The following COL10A1 variants were observed in gnomAD, a reference collection of about 807,000 sequenced individuals.
The protein encoded by COL10A1 is collagen alpha-1(X) chain.
A neutral mutation model predicts 18.2 loss-of-function variants in COL10A1; 10 were observed. The observed-to-expected ratio is 0.55, with a 90% confidence interval of 0.34 to 0.93. COL10A1 has a LOEUF of 0.93. Ranked by LOEUF, COL10A1 falls within the 40% of genes least tolerant of loss-of-function variation. The pLI is 0.02. For missense variants in COL10A1, 897 were observed against 853.5 expected (o/e 1.05, Z -0.64); for synonymous variants, 330 against 316.6 (o/e 1.04, Z -0.45).
At chr6:116,164,950 T>C in the COL10A1 span, among the ~76,000 whole-genome samples, 1 of 151,748 alleles carries the variant, frequency 6.6e-6, no homozygotes, top group Non-Finnish European at 1.5e-5. Flanking sequence ...TACAAAAAAT[T>C]AGCGGACATG....
chr6:116,127,261 T>C (rs1244361131), upstream of COL10A1, among the ~76,000 whole-genome samples: 2 of 152,132 alleles, frequency 1.3e-5, no homozygotes, highest in African/African-American at 4.8e-5. Flanking sequence ...TCTTTTCCCT[T>C]TCTCTCCCCT....
In COL10A1 at chr6:116,120,545, C is replaced by A; in HGVS notation, c.1571G>T (p.Gly524Val). ...GPPGQAVMPE[G>V]FIKAGQRPSL... ...GGGCCTTTGGCCTGCCTTTATAAAA[C>A]CCTCAGGCATGACTGCTTGACCTGG... Residue 524 changes from glycine (G) to valine (V), a missense_variant, in exon 3 of 3, where the codon GGT (glycine) becomes GTT (valine). Gly to Val is a moderately radical substitution (Grantham distance 109). Transcript: ENST00000651968. The A allele has an allele frequency of 3.1e-6, 5 of 1,613,584 alleles. No individual in the cohort carries two copies. The highest frequency in any genetic ancestry group is 4.2e-6 in the Non-Finnish European group (5 of 1,179,718).
chr6:116,161,670 C>CA (rs1468047562), upstream of COL10A1, among the ~76,000 whole-genome samples: 2 of 152,120 alleles, frequency 1.3e-5, no homozygotes, highest in Non-Finnish European at 2.9e-5. Flanking sequence ...GTAATGCTTG[C>CA]AAGTTTATTC....
the COL10A1 span, among the ~76,000 whole-genome samples, chr6:116,169,211 A>G: frequency 6.6e-6 from 1 of 152,134 alleles, no homozygotes; most frequent in Non-Finnish European, 1.5e-5. Flanking sequence ...TTAAATCTTC[A>G]TTGACATTTT....
chr6:116,149,425 A>G (rs139930982), intron 1 of COL10A1, among the ~76,000 whole-genome samples: 1,681 of 152,260 alleles, frequency 0.011, 13 homozygotes, highest in Non-Finnish European at 0.016. Context: ...TAGGATTATG[A>G]TTTTCTAAAT....
chr6:116,121,510 C>T lies in COL10A1; in HGVS notation c.606G>A (p.Arg202=). ...TGGGACCCTGAGGGCCTGGAAGACC[C>T]CTCTCACCTGGACGACCAGGAGCAC... ...GYGAPGRPGE[R]GLPGPQGPTG... is the part of the protein sequence containing the mutation. Residue 202 remains arginine (R), a synonymous_variant, in exon 3 of 3, where the codon AGG becomes AGA. Coordinates refer to ENST00000651968, the MANE Select transcript of COL10A1 (RefSeq NM_000493.4). 2 of 1,614,086 alleles carry T rather than the reference C, an allele frequency of 1.2e-6. No homozygotes were observed. Among genetic ancestry groups the T allele is most frequent in the Non-Finnish European group, 1.7e-6 (2 of 1,180,006 alleles).
At position 116,146,133 on chromosome 6, in the gene COL10A1, A is replaced by G. The variant is rs145063817; in HGVS notation, c.-16+12481T>C. Among the ~76,000 whole-genome samples, 395 of 152,302 alleles carry G rather than the reference A, an allele frequency of 2.6e-3. 10 individuals are homozygous for G. In the South Asian group the frequency reaches 0.043, roughly 17 times the overall value. ...TTACAGTTAATACTAATGAAAAAAA[A>G]CTTTCATGCTTTGTGTGGTGGGTGT... On this transcript the variant is annotated intron_variant, in intron 1 of 1. Transcript: ENST00000418500.
chr6:116,144,472 G>A (rs1582832094), intron 1 of COL10A1, among the ~76,000 whole-genome samples: 1 of 151,432 alleles, frequency 6.6e-6, no homozygotes, highest in East Asian at 1.9e-4. Flanking sequence ...CTGCACTCCA[G>A]CCTGATGACA....
chr6:116,196,727 T>C, the COL10A1 span, among the ~76,000 whole-genome samples: 1 of 152,028 alleles, frequency 6.6e-6, no homozygotes, highest in Non-Finnish European at 1.5e-5. Context: ...TTGTGTTTGC[T>C]GCTTCTTAAC....
intron 1 of COL10A1, among the ~76,000 whole-genome samples, chr6:116,147,099 T>TA (rs745395518): frequency 8.7e-4 from 130 of 150,192 alleles, no homozygotes; most frequent in Non-Finnish European, 1.2e-3. Flanking sequence ...CTGACAATAT[T>TA]AAAAAAAAAC....
At position 116,121,956 on chromosome 6, in the gene COL10A1, C is replaced by T. The variant is rs760982462; in HGVS notation, c.160G>A (p.Ala54Thr). The T allele has an allele frequency of 6.2e-7, 1 of 1,611,964 alleles. No individual in the cohort carries two copies. Among genetic ancestry groups the T allele is most frequent in the South Asian group, 1.1e-5 (1 of 91,052 alleles). ...GGAGTACCTTGCTCTCCTCTTACTG[C>T]TATACCTAAAAGACACACCCAACAC... ...IPYTIKSKGI[A>T]VRGEQGTPGP... The change falls in exon 3 of 3, where the codon GCA becomes ACA. Residue 54 changes from alanine to threonine, a missense_variant. Physicochemically the swap from Ala to Thr is moderately conservative, Grantham distance 58. Coordinates refer to ENST00000651968, the MANE Select transcript of COL10A1 (RefSeq NM_000493.4).
the COL10A1 span, among the ~76,000 whole-genome samples, chr6:116,197,793 G>A: frequency 6.6e-6 from 1 of 152,104 alleles, no homozygotes; most frequent in African/African-American, 2.4e-5. Flanking sequence ...CTGATGGATT[G>A]AAAGCGCTAG....
intron 1 of COL10A1, among the ~76,000 whole-genome samples, chr6:116,157,316 G>A (rs893405952): frequency 4.6e-5 from 7 of 152,098 alleles, no homozygotes; most frequent in South Asian, 2.1e-4. Context: ...AGTTGTCAAC[G>A]TAACTTGGTT....
the COL10A1 span, among the ~76,000 whole-genome samples, chr6:116,167,322 C>T: frequency 6.7e-6 from 1 of 149,246 alleles, no homozygotes. Flanking sequence ...CAGCGATTCT[C>T]CTGCCTCAGC....
In COL10A1 at chr6:116,125,358, G is replaced by A. The variant is rs780861272; in HGVS notation, c.135C>T (p.Pro45=). 3.7e-6 allele frequency: 6 copies of A among 1,613,744 alleles called. No homozygotes were observed. The highest frequency in any genetic ancestry group is 5.1e-6 in the Non-Finnish European group (6 of 1,179,796). ...LPNTKTQFFI[P]YTIKSKGIAV... The stretch of plus-strand genomic sequence containing the variant: ...ATTTACCTTTACTCTTTATGGTGTA[G>A]GGAATGAAGAACTGTGTCTTGGTGT... Residue 45 remains proline (P), a synonymous_variant, in exon 2 of 3, where the codon CCC becomes CCT. Coordinates refer to ENST00000651968, the MANE Select transcript of COL10A1 (RefSeq NM_000493.4).
Position 116,125,511 on chromosome 6 carries a change from A to G in COL10A1, c.-15-4T>C. 2.5e-6 allele frequency: 4 copies of G among 1,612,742 alleles called. No individual in the cohort carries two copies. Among genetic ancestry groups the G allele is most frequent in the Non-Finnish European group, 3.4e-6 (4 of 1,178,998 alleles). On this transcript the variant is annotated splice_polypyrimidine_tract_variant and splice_region_variant and intron_variant, in intron 1 of 2. Transcript: ENST00000651968. Reference sequence around the variant, plus strand: ...GCAGCATATTCTCAGATGGATTCTGAAAAACAGAAAAGAATAACTTTATAC... The same window carrying G: ...GCAGCATATTCTCAGATGGATTCTGGAAAACAGAAAAGAATAACTTTATAC...
At chr6:116,132,081 G>T (rs1164021851) in intron 1 of COL10A1, among the ~76,000 whole-genome samples, 1 of 152,056 alleles carries the variant, frequency 6.6e-6, no homozygotes, top group Non-Finnish European at 1.5e-5. Context: ...ATCATTGATG[G>T]GTATTTAGGT....
chr6:116,121,444 T>G lies in COL10A1; in HGVS notation c.672A>C (p.Glu224Asp). 1.2e-6 allele frequency: 2 copies of G among 1,614,082 alleles called. No individual in the cohort carries two copies. The highest frequency in any genetic ancestry group is 1.7e-6 in the Non-Finnish European group (2 of 1,179,982). Reference protein sequence around the residue: ...SGPPGVGKRGENGVPGQPGIK... With the variant: ...SGPPGVGKRGDNGVPGQPGIK... ...TGCCTGGCTGTCCTGGAACCCCATTTTCACCTCTTTTTCCCACTCCAGGAG... is the reference window on the plus strand; with the variant it reads ...TGCCTGGCTGTCCTGGAACCCCATTGTCACCTCTTTTTCCCACTCCAGGAG... The change falls in exon 3 of 3, where the codon GAA (glutamate) becomes GAC (aspartate). Residue 224 changes from glutamate to aspartate, a missense_variant. Transcript: ENST00000651968.
chr6:116,184,331 G>A, the COL10A1 span, among the ~76,000 whole-genome samples: 1 of 152,022 alleles, frequency 6.6e-6, no homozygotes, highest in Admixed American at 6.6e-5. Flanking sequence ...TTGCATTTAT[G>A]TTCATCAGGG....
Sources: gnomAD v4.1 joint callset for allele counts (sites outside exome capture counted in the v4.1 genomes callset) on GRCh38, gnomAD v4.1.1 for gene constraint, MANE v1.5 for transcripts, NCBI Gene and HGNC (gene_info 2026-07-23, HGNC 2026-07-21) for gene names.